Variants in TLL2 observed in about 807,000 individuals in gnomAD.
TLL2 encodes tolloid like 2.
A neutral mutation model predicts 123.0 loss-of-function variants in TLL2; 106 were observed. The observed-to-expected ratio is 0.86, with a 90% CI of 0.74 to 1.01. The LOEUF is 1.01. TLL2 is among the 50% of genes least tolerant of loss of function. The pLI is 0.00. For missense variants in TLL2, 1,332 were observed against 1,336.7 expected, an observed-to-expected ratio of 1.00 and a Z score of 0.06; for synonymous variants, 494 against 516.8, an observed-to-expected ratio of 0.96 and a Z score of 0.60.
Position 96,367,366 on chromosome 10 carries a change from G to A in TLL2, c.*722C>T, listed in dbSNP as rs371209788. The A allele has an allele frequency of 3.9e-5, 6 of 152,158 alleles. No individual in the cohort carries two copies. The highest frequency in any genetic ancestry group is 7.2e-5 in the African/African-American group (3 of 41,432). 9.4% of individuals were successfully genotyped at this position (152,158 alleles called of 1,614,324 possible). ...TGTCTTCTCAGCAGACAGGACTCTC[G>A]CCAGCAAATGTTCTGCTGTATTCAT... On this transcript the variant is annotated 3_prime_UTR_variant, in exon 21 of 21. Coordinates refer to ENST00000357947, the MANE Select transcript of TLL2 (RefSeq NM_012465.4).
At chr10:96,466,783 G>C (rs1847136309) in intron 2 of TLL2, among the ~76,000 whole-genome samples, 2 of 152,168 alleles carry the variant, frequency 1.3e-5, no homozygotes, top group Admixed American at 1.3e-4. Flanking sequence ...CAGACGTTGT[G>C]GTTATCTAAT....
At chr10:96,446,758 G>A (rs1846900623) in intron 2 of TLL2, among the ~76,000 whole-genome samples, 1 of 152,190 alleles carries the variant, frequency 6.6e-6, no homozygotes, top group Non-Finnish European at 1.5e-5. Context: ...GCTTGTACGT[G>A]TTTGCTAGTA....
intron 3 of TLL2, among the ~76,000 whole-genome samples, chr10:96,438,254 T>A (rs547190495): frequency 6.6e-6 from 1 of 152,332 alleles, no homozygotes; most frequent in Non-Finnish European, 1.5e-5. Context: ...GCAGCATATC[T>A]CTCCACTGAT....
intron 2 of TLL2, among the ~76,000 whole-genome samples, chr10:96,461,633 C>G (rs911628569): frequency 2.6e-5 from 4 of 152,240 alleles, no homozygotes; most frequent in Non-Finnish European, 5.9e-5. Flanking sequence ...TGCCTTCCAC[C>G]TGCAATGACT....
At chr10:96,403,325 T>TA (rs1174974421) in intron 10 of TLL2, among the ~76,000 whole-genome samples, 2 of 152,128 alleles carry the variant, frequency 1.3e-5, no homozygotes, top group African/African-American at 4.8e-5. Flanking sequence ...AGGGAAGACA[T>TA]AAGAGACTCC....
At chr10:96,510,935 A>T (rs1847623243) in intron 1 of TLL2, among the ~76,000 whole-genome samples, 1 of 152,208 alleles carries the variant, frequency 6.6e-6, no homozygotes. Context: ...CTAACAAGGC[A>T]GACATTTTCA....
intron 2 of TLL2, among the ~76,000 whole-genome samples, chr10:96,458,335 C>T (rs1847037298): frequency 6.6e-6 from 1 of 152,050 alleles, no homozygotes; most frequent in African/African-American, 2.4e-5. Context: ...GCCTATAATC[C>T]CAGCACTTTG....
intron 2 of TLL2, among the ~76,000 whole-genome samples, chr10:96,454,659 C>A (rs915477731): frequency 6.6e-6 from 1 of 152,044 alleles, no homozygotes; most frequent in African/African-American, 2.4e-5. Flanking sequence ...TTGGCTGTAC[C>A]CATTATTTAT....
intron 10 of TLL2, among the ~76,000 whole-genome samples, chr10:96,397,586 G>T (rs533990035): frequency 3.3e-5 from 5 of 152,338 alleles, no homozygotes; most frequent in African/African-American, 1.2e-4. Context: ...GCCGAGGGGT[G>T]TTGCTGAGGC....
chr10:96,383,926 C>G (rs374416473), intron 16 of TLL2, among the ~76,000 whole-genome samples: 1 of 152,110 alleles, frequency 6.6e-6, no homozygotes, highest in African/African-American at 2.4e-5. Flanking sequence ...CCACCACGCC[C>G]GGCCTAAACC....
intron 17 of TLL2, among the ~76,000 whole-genome samples, chr10:96,377,993 C>G (rs979917481): frequency 3.9e-5 from 6 of 152,218 alleles, no homozygotes; most frequent in Non-Finnish European, 5.9e-5. Flanking sequence ...TGGCCCGGGC[C>G]CATCTCACAG....
In TLL2 at chr10:96,373,697, T is replaced by C. The variant is rs1408289723; in HGVS notation, c.2561A>G (p.Lys854Arg). Reference sequence around the variant, plus strand: ...GGAAGCCACCGTGGGGTCTGGTTTCTTGCTGCCGCAGAAACGGCCCAGAAT... The same window carrying C: ...GGAAGCCACCGTGGGGTCTGGTTTCCTGCTGCCGCAGAAACGGCCCAGAAT... ...APILGRFCGS[K>R]KPDPTVASGS... Residue 854 changes from lysine (K) to arginine (R), a missense_variant, in exon 19 of 21, where the codon AAG becomes AGG. Lys to Arg is a conservative substitution (Grantham distance 26). Transcript: ENST00000357947. 3 of 1,614,146 alleles carry C rather than the reference T, an allele frequency of 1.9e-6. No homozygotes were observed. The highest frequency in any genetic ancestry group is 2.7e-5 in the African/African-American group (2 of 74,958).
intron 2 of TLL2, among the ~76,000 whole-genome samples, chr10:96,448,430 G>A (rs1474261676): frequency 5.8e-5 from 8 of 137,952 alleles, no homozygotes; most frequent in African/African-American, 1.1e-4. Context: ...TGCAACTGTG[G>A]TGGGGAACTC....
intron 10 of TLL2, among the ~76,000 whole-genome samples, chr10:96,400,230 C>T (rs1396027742): frequency 6.6e-6 from 1 of 152,084 alleles, no homozygotes; most frequent in Admixed American, 6.6e-5. Context: ...TCCCACTTCA[C>T]AGACGAGAAA....
chr10:96,384,997 G>A (rs1326506197), intron 15 of TLL2, among the ~76,000 whole-genome samples: 1 of 152,210 alleles, frequency 6.6e-6, no homozygotes, highest in Non-Finnish European at 1.5e-5. Context: ...CAAGAGCACA[G>A]GGCTCCCAAA....
chr10:96,422,827 G>T, intron 5 of TLL2, 100 bp from the exon 6 acceptor site: 1 of 1,402,146 alleles, frequency 7.1e-7, no homozygotes, highest in Non-Finnish European at 9.9e-7. Context: ...GTGTGTGCAT[G>T]TAAAAGAACA....
intron 9 of TLL2, among the ~76,000 whole-genome samples, chr10:96,408,791 T>C (rs907313629): frequency 2.6e-5 from 4 of 152,230 alleles, no homozygotes; most frequent in African/African-American, 7.2e-5. Flanking sequence ...TGTGTAATAA[T>C]ATAAGATGAC....
chr10:96,509,835 T>C (rs1847610542), intron 1 of TLL2, among the ~76,000 whole-genome samples: 1 of 152,174 alleles, frequency 6.6e-6, no homozygotes, highest in South Asian at 2.1e-4. Context: ...TAGTCCCAGC[T>C]ACTCGGGAGG....
chr10:96,492,320 T>C (rs1346500591), intron 1 of TLL2, among the ~76,000 whole-genome samples: 1 of 151,944 alleles, frequency 6.6e-6, no homozygotes, highest in African/African-American at 2.4e-5. Flanking sequence ...TACAAGTCTC[T>C]CTAATTCCAA....
Sources: gnomAD v4.1 joint callset for allele counts (sites outside exome capture counted in the v4.1 genomes callset) on GRCh38, gnomAD v4.1.1 for gene constraint, MANE v1.5 for transcripts, NCBI Gene and HGNC (gene_info 2026-07-23, HGNC 2026-07-21) for gene names.